RICTOR: variants seen among roughly 807,000 people sequenced by gnomAD.
RICTOR encodes the protein RPTOR independent companion of MTOR complex 2, also known as rapamycin-insensitive companion of mTOR.
A neutral mutation model predicts 214.9 loss-of-function variants in RICTOR; 49 were observed. The ratio of observed to expected loss-of-function variants is 0.23; its 90% CI spans 0.18 to 0.29. The LOEUF is 0.29. Among genes scored for constraint, RICTOR ranks in the 10% least tolerant of loss-of-function variants. The pLI, the probability that RICTOR is intolerant of heterozygous loss-of-function variation, is 1.00. For synonymous variants in RICTOR, 717 were observed against 711.3 expected (o/e 1.01, Z -0.13); for missense variants, 1,625 against 2,047.0 (o/e 0.79, Z 3.98).
intron 10 of RICTOR, among the ~76,000 whole-genome samples, chr5:38,972,886 G>C (rs911496970): frequency 7.1e-5 from 10 of 140,000 alleles, no homozygotes; most frequent in African/African-American, 2.1e-4. Context: ...AAAAAAAAAA[G>C]AACAACAAAA....
rs1253737012 is a variant in RICTOR, at chr5:38,950,580, A to G, written c.3268T>C (p.Ser1090Pro). The change falls in exon 31 of 38, where the codon TCT becomes CCT. Residue 1090 changes from serine (S) to proline (P), a missense_variant. Physicochemically the swap from Ser to Pro is moderately conservative, Grantham distance 74. Coordinates refer to ENST00000357387, the MANE Select transcript of RICTOR (RefSeq NM_152756.5). ...ATACGATTCTTCACAAGTTTACTAG[A>G]AGCAAAGAAAGGGAATGAATTTTTA... ...KDKNSFPFFA[S>P]SKLVKNRILN... The G allele has an allele frequency of 6.2e-7, 1 of 1,613,308 alleles. No individual in the cohort carries two copies. Among genetic ancestry groups the G allele is most frequent in the East Asian group, 2.2e-5 (1 of 44,844 alleles).
At position 38,955,170 on chromosome 5, in the gene RICTOR, T is replaced by C. The variant is rs143818885; in HGVS notation, c.2610-309A>G. Among the ~76,000 whole-genome samples, 28 of 152,188 alleles carry C rather than the reference T, an allele frequency of 1.8e-4. No homozygotes were observed. The Middle Eastern group carries it at 0.01, about 55-fold the overall frequency. On this transcript the variant is annotated intron_variant, in intron 26 of 37. Coordinates refer to ENST00000357387, the MANE Select transcript of RICTOR (RefSeq NM_152756.5). Reference sequence around the variant, plus strand: ...TTACTTATAACACTGCATAAAATTATGTTTAGGCTACGTGTATAAGGCGTA... The same window carrying C: ...TTACTTATAACACTGCATAAAATTACGTTTAGGCTACGTGTATAAGGCGTA...
intron 2 of RICTOR, 143 bp from the exon 3 acceptor site, chr5:39,021,279 G>C: frequency 1.6e-6 from 1 of 631,918 alleles, no homozygotes; most frequent in Non-Finnish European, 2.9e-6. Context: ...TAATTTAAAT[G>C]ACTTCAAAGT....
intron 2 of RICTOR, among the ~76,000 whole-genome samples, chr5:39,045,311 A>G (rs1342081335): frequency 6.6e-6 from 1 of 152,162 alleles, no homozygotes; most frequent in East Asian, 1.9e-4. Context: ...GCAGAAAAGC[A>G]GGAAAACTCT....
In RICTOR at chr5:38,941,559, T is replaced by TA. The variant is rs1299956774; in HGVS notation, c.*744dup. The TA allele has an allele frequency of 1.3e-5, 3 of 231,056 alleles. No individual in the cohort carries two copies. The highest frequency in any genetic ancestry group is 5.6e-5 in the Admixed American group (1 of 17,712). The allele number at this position is 231,056 out of a possible 1,614,324, so 14.3% of individuals were successfully genotyped here. Reference sequence around the variant, plus strand: ...AAATGGGAAATATTTTTAATTAAAATAAAAAATGATTTTTAAATTTTATTC... The same window carrying TA: ...AAATGGGAAATATTTTTAATTAAAATAAAAAAATGATTTTTAAATTTTATTC... On this transcript the variant is annotated 3_prime_UTR_variant, in exon 38 of 38. Coordinates refer to ENST00000357387, the MANE Select transcript of RICTOR (RefSeq NM_152756.5).
In RICTOR at chr5:38,988,985, G is replaced by A. The variant is rs111320435; in HGVS notation, c.583+1964C>T. Among the ~76,000 whole-genome samples the A allele has an allele frequency of 9.4e-3, 1,437 of 152,116 alleles. 15 individuals carry two copies. The highest frequency in any genetic ancestry group is 0.032 in the African/African-American group (1,345 of 41,490). On this transcript the variant is annotated intron_variant, in intron 7 of 37. Coordinates refer to ENST00000357387, the MANE Select transcript of RICTOR (RefSeq NM_152756.5). ...AGCTATCCCCGTCAAGCTACCACTG[G>A]CTTTCTTCACAGAATTGGAAAAAAT...
intron 36 of RICTOR, 84 bp from the exon 37 acceptor site, chr5:38,943,055 A>T: frequency 1.0e-6 from 1 of 957,496 alleles, no homozygotes; most frequent in Non-Finnish European, 1.6e-6. Context: ...CTTTAAAAAT[A>T]GATTTCCCTA....
intron 9 of RICTOR, among the ~76,000 whole-genome samples, chr5:38,976,990 G>C (rs1029542627): frequency 1.3e-5 from 2 of 152,200 alleles, no homozygotes; most frequent in Admixed American, 1.3e-4. Context: ...GCATAAGAAA[G>C]AGTATACAGC....
intron 32 of RICTOR, 57 bp downstream of exon 32, chr5:38,947,207 G>T: frequency 7.9e-7 from 1 of 1,259,606 alleles, no homozygotes; most frequent in Non-Finnish European, 1.1e-6. Flanking sequence ...AGCAGTTACA[G>T]CATATGAAAA....
In RICTOR at chr5:38,941,688, CAT is replaced by C. The variant is rs749916920; in HGVS notation, c.*614_*615del. Reference sequence around the variant, plus strand: ...AAGAATCTTTATGCAAGTCTAGTAACATAAAAATAACTTATAAGTCCCGGGTT... The same window carrying C: ...AAGAATCTTTATGCAAGTCTAGTAACAAAAATAACTTATAAGTCCCGGGTT... On this transcript the variant is annotated 3_prime_UTR_variant, in exon 38 of 38. Coordinates refer to ENST00000357387, the MANE Select transcript of RICTOR (RefSeq NM_152756.5). 4.3e-6 allele frequency: 1 copy of C among 232,102 alleles called. No homozygotes were observed. Among genetic ancestry groups the C allele is most frequent in the African/African-American group, 2.2e-5 (1 of 45,242 alleles). The allele number at this position is 232,102 out of a possible 1,614,324, so 14.4% of individuals were successfully genotyped here.
intron 2 of RICTOR, among the ~76,000 whole-genome samples, chr5:39,044,649 T>C (rs190352852): frequency 6.6e-6 from 1 of 152,318 alleles, no homozygotes; most frequent in East Asian, 1.9e-4. Context: ...TCTCACTTTC[T>C]AAGGTAAGAA....
intron 2 of RICTOR, among the ~76,000 whole-genome samples, chr5:39,042,585 G>A (rs1331609655): frequency 3.3e-5 from 5 of 152,042 alleles, no homozygotes; most frequent in African/African-American, 1.2e-4. Context: ...TAGTTGTACT[G>A]CCTTGCATAG....
At chr5:38,960,903 A>ATT (rs1749741314) in intron 19 of RICTOR, among the ~76,000 whole-genome samples, 1 of 152,070 alleles carries the variant, frequency 6.6e-6, no homozygotes, top group Admixed American at 6.6e-5. Context: ...CTGCTGCCAT[A>ATT]TGAAGAAGGA....
chr5:39,021,116 C>T lies in RICTOR; in HGVS notation c.118G>A (p.Glu40Lys). The T allele has an allele frequency of 1.3e-6, 2 of 1,588,002 alleles. No homozygotes were observed. The highest frequency in any genetic ancestry group is 1.7e-6 in the Non-Finnish European group (2 of 1,156,370). ...AATCTGGCCACATTTTGGAGAATCT[C>T]TCTTAAGTTATCAGAAGGTTCTAGA... ...LTREPSDNLR[E>K]ILQNVARLQG... Residue 40 changes from glutamate to lysine, a missense_variant, in exon 3 of 38, where the codon GAG (glutamate) becomes AAG (lysine). Glu to Lys is a moderately conservative substitution (Grantham distance 56). Coordinates refer to ENST00000357387, the MANE Select transcript of RICTOR (RefSeq NM_152756.5).
intron 2 of RICTOR, among the ~76,000 whole-genome samples, chr5:39,057,874 T>C (rs1264629016): frequency 6.6e-6 from 1 of 152,162 alleles, no homozygotes; most frequent in Non-Finnish European, 1.5e-5. Flanking sequence ...AATAAATTAA[T>C]ACTCATAGTT....
At chr5:39,005,257 C>T (rs771054358) in intron 3 of RICTOR, among the ~76,000 whole-genome samples, 6 of 152,164 alleles carry the variant, frequency 3.9e-5, no homozygotes, top group Admixed American at 6.5e-5. Context: ...AATATATTTT[C>T]AAAACTACTT....
At chr5:38,989,380 G>T (rs971765658) in intron 7 of RICTOR, among the ~76,000 whole-genome samples, 2 of 152,042 alleles carry the variant, frequency 1.3e-5, no homozygotes, top group Non-Finnish European at 2.9e-5. Context: ...ATGGATTAAA[G>T]ACCTACAACC....
chr5:38,957,575 A>G lies in RICTOR; in HGVS notation c.2499+77T>C, dbSNP rs937147490. On this transcript the variant is annotated intron_variant, in intron 25 of 37. Transcript: ENST00000357387. ...TAATTTCAAAACACTGATATAAAAA[A>G]ACCATCCTCTAAATTCACAAATCAA... 3 of 814,148 alleles carry G rather than the reference A, an allele frequency of 3.7e-6. No homozygotes were observed. The African/African-American group carries it at 5.3e-5, about 14-fold the overall frequency. The allele number at this position is 814,148 out of a possible 1,614,324, so 50.4% of individuals were successfully genotyped here.
chr5:39,012,069 C>T lies in RICTOR; in HGVS notation c.196-8447G>A, dbSNP rs1023250907. Among the ~76,000 whole-genome samples the T allele has an allele frequency of 3.9e-5, 6 of 152,270 alleles. No individual in the cohort carries two copies. In the East Asian group the frequency reaches 1.2e-3, roughly 29 times the overall value. Reference sequence around the variant, plus strand: ...AAATCTCACCTTGAATTGTAATAATCCCCATGTGTCAAGGGTGGGATCACG... The same window carrying T: ...AAATCTCACCTTGAATTGTAATAATTCCCATGTGTCAAGGGTGGGATCACG... On this transcript the variant is annotated intron_variant, in intron 3 of 37. Coordinates refer to ENST00000357387, the MANE Select transcript of RICTOR (RefSeq NM_152756.5).
Sources: allele counts gnomAD v4.1 joint callset (sites outside exome capture counted in the v4.1 genomes callset), GRCh38; gene constraint gnomAD v4.1.1; transcripts MANE v1.5; gene names NCBI Gene and HGNC (gene_info 2026-07-23, HGNC 2026-07-21).